GRAMD1C: variants seen among roughly 807,000 people sequenced by gnomAD.
GRAMD1C encodes the protein protein Aster-C.
GRAMD1C carries 89 observed loss-of-function variants against 97.8 expected under a neutral mutation model. The ratio of observed to expected loss-of-function variants is 0.91; its 90% confidence interval spans 0.77 to 1.09. The LOEUF (loss-of-function observed/expected upper bound fraction) is 1.09, where lower values mean the gene tolerates loss of function less well. Ranked by LOEUF, GRAMD1C falls within the 50% of genes least tolerant of loss-of-function variation. The pLI is 0.00. For missense variants in GRAMD1C, 740 were observed against 766.4 expected (o/e 0.97, Z 0.41); for synonymous variants, 256 against 267.0 (o/e 0.96, Z 0.40).
chr3:113,869,444 T>C (rs1458733960), intron 2 of GRAMD1C, 63 bp from the exon 3 acceptor site: 2 of 808,008 alleles, frequency 2.5e-6, no homozygotes, highest in African/African-American at 1.7e-5. Flanking sequence ...TTCCACTTGA[T>C]ATTTATTTTC....
chr3:113,867,656 A>G (rs1189639695), intron 2 of GRAMD1C, among the ~76,000 whole-genome samples: 7 of 151,362 alleles, frequency 4.6e-5, no homozygotes, highest in African/African-American at 1.7e-4. Context: ...AATGATGAAG[A>G]GTCACCCGCA....
intron 2 of GRAMD1C, among the ~76,000 whole-genome samples, chr3:113,849,772 A>G (rs1479495648): frequency 6.6e-6 from 1 of 151,974 alleles, no homozygotes; most frequent in East Asian, 1.9e-4. Flanking sequence ...CAAAACCGCC[A>G]TTGTCATGAT....
At chr3:113,901,506 T>A (rs1289684062) in intron 7 of GRAMD1C, among the ~76,000 whole-genome samples, 4 of 152,204 alleles carry the variant, frequency 2.6e-5, no homozygotes, top group Non-Finnish European at 4.4e-5. Flanking sequence ...ACATGATTTT[T>A]CCTCAGGAAT....
chr3:113,884,659 G>A (rs2712330), intron 6 of GRAMD1C, among the ~76,000 whole-genome samples: 46,076 of 151,652 alleles, frequency 0.3, 7,911 homozygotes, highest in East Asian at 0.62. Flanking sequence ...GTGTTATGGT[G>A]AAACCTCGTC....
At chr3:113,833,120 CTTTT>C (rs200062835) in intron 1 of GRAMD1C, among the ~76,000 whole-genome samples, 2 of 129,470 alleles carry the variant, frequency 1.5e-5, no homozygotes, top group African/African-American at 2.9e-5. Flanking sequence ...TTCTTTCTTT[CTTTT>C]TTTTTTTTTT....
intron 6 of GRAMD1C, among the ~76,000 whole-genome samples, chr3:113,884,853 A>G (rs954063741): frequency 2.0e-5 from 3 of 151,042 alleles, no homozygotes; most frequent in East Asian, 1.9e-4. Context: ...AAGAAAAAAA[A>G]AAAGAAAAAA....
rs528345501 is a variant in GRAMD1C, at chr3:113,841,221, T to C, written c.27+2285T>C. ...TTCTTACCAAATTTAACAGGCCAAATTGGGCTGTTAAATGGAGAAGCAGTA... is the reference window on the plus strand; with the variant it reads ...TTCTTACCAAATTTAACAGGCCAAACTGGGCTGTTAAATGGAGAAGCAGTA... On this transcript the variant is annotated intron_variant, in intron 1 of 17. Coordinates refer to ENST00000358160, the MANE Select transcript of GRAMD1C (RefSeq NM_017577.5). Among the ~76,000 whole-genome samples the C allele has an allele frequency of 7.9e-5, 12 of 152,040 alleles. 1 individual carries two copies. The highest frequency in any genetic ancestry group is 2.1e-4 in the South Asian group (1 of 4,816).
Position 113,848,830 on chromosome 3 carries a change from T to C in GRAMD1C, c.174+4181T>C, listed in dbSNP as rs113909048. ...CAATAAAATAAGATAAAATAAAAAT[T>C]TAATTCTGTATGTGAGAAATGAGTT... On this transcript the variant is annotated intron_variant, in intron 2 of 17. Transcript: ENST00000358160. Among the ~76,000 whole-genome samples the C allele has an allele frequency of 5.9e-3, 895 of 152,168 alleles. 10 individuals are homozygous for C. The highest frequency in any genetic ancestry group is 0.021 in the African/African-American group (855 of 41,506).
At chr3:113,829,619 C>T (rs1199158641) in intron 1 of GRAMD1C, among the ~76,000 whole-genome samples, 1 of 152,126 alleles carries the variant, frequency 6.6e-6, no homozygotes, top group African/African-American at 2.4e-5. Context: ...GCAAAGGCTT[C>T]CCATAAAACT....
At chr3:113,893,994 C>A (rs1201152597) in intron 6 of GRAMD1C, among the ~76,000 whole-genome samples, 6 of 152,128 alleles carry the variant, frequency 3.9e-5, no homozygotes, top group African/African-American at 1.4e-4. Flanking sequence ...ATATTTAATT[C>A]AATTTCTTTA....
intron 6 of GRAMD1C, among the ~76,000 whole-genome samples, chr3:113,886,268 C>T (rs1935474040): frequency 6.6e-6 from 1 of 152,168 alleles, no homozygotes; most frequent in Admixed American, 6.5e-5. Context: ...CCATGGAAAC[C>T]CCAGACTGGG....
At position 113,882,818 on chromosome 3, in the gene GRAMD1C, G is replaced by A. The variant is rs1346652096; in HGVS notation, c.526G>A (p.Val176Ile). 10 of 1,553,556 alleles carry A rather than the reference G, an allele frequency of 6.4e-6. No individual in the cohort carries two copies. In the Admixed American group the frequency reaches 1.3e-4, roughly 21 times the overall value. The change falls in exon 6 of 18, where the codon GTA becomes ATA. Residue 176 changes from valine to isoleucine, a missense_variant. Physicochemically the swap from Val to Ile is conservative, Grantham distance 29. Transcript: ENST00000358160. ...YLSIFRLWQNVLLDKSLTRQE... is the reference protein window; with the variant it reads ...YLSIFRLWQNILLDKSLTRQE... The stretch of plus-strand genomic sequence containing the variant: ...CAGTATCTTTAGGTTGTGGCAGAAT[G>A]TATTATTAGATAAGGTAAGTGTTCA...
At position 113,882,739 on chromosome 3, in the gene GRAMD1C, T is replaced by G; in HGVS notation, c.460-13T>G. The G allele has an allele frequency of 6.8e-7, 1 of 1,481,320 alleles. No individual in the cohort carries two copies. Among genetic ancestry groups the G allele is most frequent in the African/African-American group, 1.4e-5 (1 of 72,552 alleles). The allele number at this position is 1,481,320 out of a possible 1,614,324, so 91.8% of individuals were successfully genotyped here. A position where few individuals can be genotyped will look rare whatever the true frequency, so the allele number is the denominator to read the frequency against. ...CCATGACACTAAAATTCTCCTATTA[T>G]TTTTCTTTGCAGTTTTTCTTCACAT... is the stretch of plus-strand genomic sequence containing the variant. On this transcript the variant is annotated splice_polypyrimidine_tract_variant and intron_variant, in intron 5 of 17. Transcript: ENST00000358160.
intron 5 of GRAMD1C, among the ~76,000 whole-genome samples, chr3:113,879,811 A>T (rs573188365): frequency 1.3e-5 from 2 of 149,436 alleles, no homozygotes; most frequent in Admixed American, 1.4e-4. Flanking sequence ...CTCCTGCCTC[A>T]GCCTCCCAAG....
chr3:113,921,505 G>A (rs1937053553), intron 10 of GRAMD1C, among the ~76,000 whole-genome samples: 1 of 152,190 alleles, frequency 6.6e-6, no homozygotes, highest in East Asian at 1.9e-4. Context: ...TCAAATGGTA[G>A]TCTGTTTTAA....
At chr3:113,866,416 C>T (rs1934588989) in intron 2 of GRAMD1C, among the ~76,000 whole-genome samples, 1 of 151,990 alleles carries the variant, frequency 6.6e-6, no homozygotes, top group African/African-American at 2.4e-5. Flanking sequence ...TTACTTTCAA[C>T]TTTGTTGTGT....
chr3:113,882,949 A>C (rs1490745939), intron 6 of GRAMD1C, 117 bp downstream of exon 6: 3 of 518,056 alleles, frequency 5.8e-6, no homozygotes, highest in African/African-American at 3.8e-5. Context: ...TGAAATTCTA[A>C]GTAGAAACTT....
Position 113,909,041 on chromosome 3 carries a change from G to A in GRAMD1C, c.873G>A (p.Val291=), listed in dbSNP as rs927615366. Residue 291 remains valine, a synonymous_variant, in exon 9 of 18, where the codon GTG becomes GTA. Transcript: ENST00000358160. ...LPTLEKKLTR[V]PSKSLDLNKN... is the part of the protein sequence containing the mutation. ...CTTTGGAAAAGAAGTTAACTAGAGTGCCATCAAAGTCACTGGACTTGAATA... is the reference window on the plus strand; with the variant it reads ...CTTTGGAAAAGAAGTTAACTAGAGTACCATCAAAGTCACTGGACTTGAATA... 1 of 1,565,940 alleles carries A rather than the reference G, an allele frequency of 6.4e-7. No homozygotes were observed. The highest frequency in any genetic ancestry group is 8.7e-7 in the Non-Finnish European group (1 of 1,152,382).
At chr3:113,899,524 AGCATCTAGT>A (rs1289469343) in intron 6 of GRAMD1C, among the ~76,000 whole-genome samples, 2 of 152,202 alleles carry the variant, frequency 1.3e-5, no homozygotes, top group African/African-American at 4.8e-5. Flanking sequence ...TATTCTCCTT[AGCATCTAGT>A]GCAGTAACGC....
Sources: gnomAD v4.1 joint callset for allele counts (sites outside exome capture counted in the v4.1 genomes callset) on GRCh38, gnomAD v4.1.1 for gene constraint, MANE v1.5 for transcripts, NCBI Gene and HGNC (gene_info 2026-07-23, HGNC 2026-07-21) for gene names.